NTM: variants seen among roughly 807,000 people sequenced by gnomAD.
NTM encodes IgLON family member 2.
A neutral mutation model predicts 42.1 loss-of-function variants in NTM; 13 were observed. The observed-to-expected ratio is 0.31, with a 90% CI of 0.20 to 0.49. The LOEUF (loss-of-function observed/expected upper bound fraction) is 0.49. NTM is among the 20% of genes least tolerant of loss of function. NTM has a pLI of 0.99. For synonymous variants in NTM, 187 were observed against 179.2 expected (o/e 1.04, Z -0.35); for missense variants, 373 against 452.8 (o/e 0.82, Z 1.60).
At chr11:132,181,300 T>C (rs1303472484) in intron 3 of NTM, among the ~76,000 whole-genome samples, 1 of 152,182 alleles carries the variant, frequency 6.6e-6, no homozygotes, top group Non-Finnish European at 1.5e-5. Context: ...TCCTTTTATG[T>C]TTTTCCTAGG....
At chr11:131,863,071 A>G (rs2046809645) in intron 1 of NTM, among the ~76,000 whole-genome samples, 1 of 152,202 alleles carries the variant, frequency 6.6e-6, no homozygotes, top group Non-Finnish European at 1.5e-5. Context: ...TCATGGTACC[A>G]TATTGACTTC....
chr11:131,789,421 AAGAAGAAGG>A lies in NTM; in HGVS notation c.83-122141_83-122133del, dbSNP rs765737941. 9.9e-4 allele frequency among the ~76,000 whole-genome samples: 27 copies of A among 27,194 alleles called. 1 individual carries two copies. The highest frequency in any genetic ancestry group is 5.3e-3 in the African/African-American group (27 of 5,082). The allele number at this position is 27,194 out of a possible 152,430, so 17.8% of individuals were successfully genotyped here. ...AGTATTGCTGCAGTTAAAAGAAAAAAAGAAGAAGGAAGAAGAAGAAGAAGAAGAAGAAGA... is the reference window on the plus strand; with the variant it reads ...AGTATTGCTGCAGTTAAAAGAAAAAAAAGAAGAAGAAGAAGAAGAAGAAGA... On this transcript the variant is annotated intron_variant, in intron 1 of 8. Coordinates refer to ENST00000683400, the MANE Select transcript of NTM (RefSeq NM_001352005.2).
At chr11:131,721,756 G>A (rs796759117) in intron 1 of NTM, among the ~76,000 whole-genome samples, 7 of 152,012 alleles carry the variant, frequency 4.6e-5, no homozygotes, top group East Asian at 1.9e-4. Flanking sequence ...CAGCACTTTC[G>A]GAGGTCAAGG....
intron 3 of NTM, among the ~76,000 whole-genome samples, chr11:132,173,954 C>T (rs139201650): frequency 6.6e-6 from 1 of 152,324 alleles, no homozygotes; most frequent in Non-Finnish European, 1.5e-5. Flanking sequence ...CAGTTCAGAA[C>T]ACTTTAGCCA....
chr11:131,858,800 C>A (rs1321576253), intron 1 of NTM, among the ~76,000 whole-genome samples: 1 of 152,182 alleles, frequency 6.6e-6, no homozygotes, highest in Non-Finnish European at 1.5e-5. Flanking sequence ...CTTAATCTTT[C>A]TTTGCAAATC....
chr11:131,732,781 G>T lies in NTM; in HGVS notation c.83-178783G>T, dbSNP rs188903722. On this transcript the variant is annotated intron_variant, in intron 1 of 8. Coordinates refer to ENST00000683400, the MANE Select transcript of NTM (RefSeq NM_001352005.2). ...CTATTTGTGTTGACACTTGTCTTTT[G>T]CTAGGATACAGAATCTACAGATGAG... 7.9e-5 allele frequency among the ~76,000 whole-genome samples: 12 copies of T among 152,244 alleles called. No homozygotes were observed. In the East Asian group the frequency reaches 2.3e-3, roughly 29 times the overall value.
At chr11:131,915,743 C>T (rs142631416) in intron 2 of NTM, among the ~76,000 whole-genome samples, 170 of 152,202 alleles carry the variant, frequency 1.1e-3, no homozygotes, top group African/African-American at 2.8e-3. Flanking sequence ...ACATTTTACA[C>T]GGCGGCAGAT....
At chr11:131,812,957 G>A (rs957534021) in intron 1 of NTM, among the ~76,000 whole-genome samples, 1 of 152,168 alleles carries the variant, frequency 6.6e-6, no homozygotes, top group Non-Finnish European at 1.5e-5. Flanking sequence ...TGGCTCAAAG[G>A]TGGAGACTAT....
chr11:131,989,553 A>G (rs1282396361), intron 2 of NTM, among the ~76,000 whole-genome samples: 4 of 152,150 alleles, frequency 2.6e-5, no homozygotes, highest in African/African-American at 7.2e-5. Context: ...GTTTAGAGGA[A>G]ATGACATCAG....
intron 1 of NTM, among the ~76,000 whole-genome samples, chr11:131,472,977 A>G (rs1015564819): frequency 6.6e-6 from 1 of 152,206 alleles, no homozygotes; most frequent in Non-Finnish European, 1.5e-5. Context: ...TGTACATAGA[A>G]TAGGTTTTGG....
chr11:132,205,099 C>T (rs1454075265), intron 3 of NTM, among the ~76,000 whole-genome samples: 2 of 152,162 alleles, frequency 1.3e-5, no homozygotes, highest in African/African-American at 2.4e-5. Flanking sequence ...AGTGAAGCAG[C>T]CCTTGCTGTG....
chr11:132,167,339 T>C (rs181894183), intron 3 of NTM, among the ~76,000 whole-genome samples: 2 of 152,128 alleles, frequency 1.3e-5, no homozygotes, highest in Admixed American at 1.3e-4. Context: ...GTGCTGGGAT[T>C]ACAGGTGTGA....
intron 2 of NTM, among the ~76,000 whole-genome samples, chr11:132,013,061 G>A (rs1181947680): frequency 6.6e-6 from 1 of 152,152 alleles, no homozygotes; most frequent in Admixed American, 6.5e-5. Context: ...ATGCTCAGAA[G>A]TGAGGGTTAC....
chr11:131,696,785 GCACA>G (rs34907087), intron 1 of NTM, among the ~76,000 whole-genome samples: 18 of 147,828 alleles, frequency 1.2e-4, no homozygotes, highest in South Asian at 4.3e-4. Context: ...ACCCACGCAT[GCACA>G]CACACACACA....
chr11:132,075,184 A>G (rs1331143222), intron 2 of NTM, among the ~76,000 whole-genome samples: 1 of 152,148 alleles, frequency 6.6e-6, no homozygotes, highest in Non-Finnish European at 1.5e-5. Context: ...AGGGGCTGGA[A>G]TGAGAGGGGA....
chr11:132,157,354 G>A (rs2073400103), intron 3 of NTM, among the ~76,000 whole-genome samples: 1 of 152,018 alleles, frequency 6.6e-6, no homozygotes, highest in Admixed American at 6.6e-5. Flanking sequence ...AATCTCTTTG[G>A]AGATGCACCC....
chr11:131,943,526 G>A (rs1379289580), intron 2 of NTM, among the ~76,000 whole-genome samples: 1 of 152,188 alleles, frequency 6.6e-6, no homozygotes, highest in Non-Finnish European at 1.5e-5. Context: ...GATTCCATCA[G>A]TCTGGGTTGG....
At chr11:131,769,599 T>A in intron 1 of NTM, 1 of 983,336 alleles carries the variant, frequency 1.0e-6, no homozygotes, top group Non-Finnish European at 1.2e-6. Context: ...GATAATGCTG[T>A]CCTGCATGAG....
chr11:132,244,215 C>T (rs1316744562), intron 4 of NTM, among the ~76,000 whole-genome samples: 1 of 152,208 alleles, frequency 6.6e-6, no homozygotes, highest in Non-Finnish European at 1.5e-5. Flanking sequence ...AGTCACCCAT[C>T]CCCAGGCTCT....
Sources: allele counts gnomAD v4.1 joint callset (sites outside exome capture counted in the v4.1 genomes callset), GRCh38; gene constraint gnomAD v4.1.1; transcripts MANE v1.5; gene names NCBI Gene and HGNC (gene_info 2026-07-23, HGNC 2026-07-21).